The following KLHL13 variants were observed in gnomAD, a reference collection of about 807,000 sequenced individuals.
KLHL13 encodes kelch like family member 13.
A neutral mutation model predicts 37.1 loss-of-function variants in KLHL13; 10 were observed. The observed-to-expected ratio is 0.27, with a 90% CI of 0.17 to 0.46. The LOEUF is 0.46. KLHL13 is among the 20% of genes least tolerant of loss of function. The probability of loss-of-function intolerance (pLI) is 1.00; values close to 1 mark genes in which losing one functional copy is unlikely to be tolerated. For missense variants in KLHL13, 360 were observed against 509.3 expected (o/e 0.71, Z 2.82); for synonymous variants, 163 against 181.2 (o/e 0.90, Z 0.81).
chrX:117,960,275 A>T (rs948785659), intron 1 of KLHL13, among the ~76,000 whole-genome samples: 3 of 111,374 alleles, frequency 2.7e-5, no homozygotes, highest in Non-Finnish European at 5.6e-5. Flanking sequence ...TGCACCTGCC[A>T]TAATAGGAGC....
intron 1 of KLHL13, among the ~76,000 whole-genome samples, chrX:118,065,849 G>A (rs2054788841): frequency 9.0e-6 from 1 of 111,569 alleles, no homozygotes; most frequent in African/African-American, 3.3e-5. Flanking sequence ...GCTCCTCCAG[G>A]GCTGGACATC....
At position 118,039,294 on chromosome X, in the gene KLHL13, A is replaced by G. The variant is rs144231560; in HGVS notation, c.-56+77214T>C. 1.8e-3 allele frequency among the ~76,000 whole-genome samples: 197 copies of G among 112,111 alleles called. 2 individuals are homozygous for G. The highest frequency in any genetic ancestry group is 5.4e-3 in the African/African-American group (167 of 30,861). ...ACCAAGCAGGCTCCTACAGTCCCCA[A>G]TTCTAGGCCTTGACTCCTGGACGGT... On this transcript the variant is annotated intron_variant, in intron 1 of 6. Transcript: ENST00000371882.
At chrX:118,035,809 G>A (rs1370597598) in intron 1 of KLHL13, among the ~76,000 whole-genome samples, 1 of 105,463 alleles carries the variant, frequency 9.5e-6, no homozygotes, top group African/African-American at 3.8e-5. Flanking sequence ...AATTGTCCCT[G>A]TTTGCAGACG....
At chrX:118,018,551 T>G (rs921039339) in intron 1 of KLHL13, among the ~76,000 whole-genome samples, 4 of 111,912 alleles carry the variant, frequency 3.6e-5, no homozygotes, top group Non-Finnish European at 7.5e-5. Flanking sequence ...CTTTGCCAAA[T>G]TTTTAAATAT....
At chrX:118,003,986 T>C (rs1316675155) in intron 1 of KLHL13, among the ~76,000 whole-genome samples, 2 of 110,743 alleles carry the variant, frequency 1.8e-5, no homozygotes, top group Non-Finnish European at 3.8e-5. Flanking sequence ...GCAAACAAAA[T>C]GAGGGTATTC....
In KLHL13 at chrX:117,965,672, G is replaced by C. The variant is rs189664995; in HGVS notation, c.98+7059C>G. ...AATCCTCAATAAAATACTGGCAAAC[G>C]GAATCCAGCAGCACATCAAAAAGCT... On this transcript the variant is annotated intron_variant, in intron 1 of 6. Transcript: ENST00000262820. 8.5e-3 allele frequency among the ~76,000 whole-genome samples: 948 copies of C among 111,108 alleles called. 16 individuals are homozygous for C. Among genetic ancestry groups the C allele is most frequent in the African/African-American group, 0.029 (872 of 30,542 alleles).
At chrX:118,021,047 C>A (rs182678693) in intron 1 of KLHL13, among the ~76,000 whole-genome samples, 30 of 99,325 alleles carry the variant, frequency 3.0e-4, no homozygotes, top group Non-Finnish European at 1.6e-4. Flanking sequence ...TGCTAGATGA[C>A]GAGTTAGTGG....
chrX:118,048,198 T>C (rs1426914528), intron 1 of KLHL13, among the ~76,000 whole-genome samples: 1 of 111,477 alleles, frequency 9.0e-6, no homozygotes, highest in Non-Finnish European at 1.9e-5. Context: ...GTAGTTAATG[T>C]TTTGTTTTAT....
chrX:117,919,731 A>G lies in KLHL13; in HGVS notation c.374-14T>C. The G allele has an allele frequency of 8.8e-7, 1 of 1,133,468 alleles. No individual in the cohort carries two copies. Among genetic ancestry groups the G allele is most frequent in the Non-Finnish European group, 1.2e-6 (1 of 831,834 alleles). The allele number at this position is 1,133,468 out of a possible 1,213,427, so 93.4% of individuals were successfully genotyped here. ...CTTTCATTCCACCTTAAATAAAAAGACATTCAATTAAATGAAGGTGGATAA... is the reference window on the plus strand; with the variant it reads ...CTTTCATTCCACCTTAAATAAAAAGGCATTCAATTAAATGAAGGTGGATAA... On this transcript the variant is annotated splice_polypyrimidine_tract_variant and intron_variant, in intron 3 of 6. Coordinates refer to ENST00000262820, the Ensembl canonical transcript of KLHL13.
rs768323960 is a variant in KLHL13 at position 118,077,359 on chromosome X, C to T, written c.-56+39149G>A. On this transcript the variant is annotated intron_variant, in intron 1 of 6. Coordinates refer to the KLHL13 transcript ENST00000371882. ...TGAATGAGGACGTTTGGGGCTGGTC[C>T]TTAAGGATGGATGAGGTTTAAATTA... Among the ~76,000 whole-genome samples, 5 of 109,852 alleles carry T rather than the reference C, an allele frequency of 4.6e-5. No homozygotes were observed. The South Asian group carries it at 1.9e-3, about 42-fold the overall frequency.
rs142323027 is a variant in KLHL13 at position 118,026,891 on chromosome X, T to C, written c.-55-81316A>G. ...AGAAAAGAGCTTTCAATGGAAAATT[T>C]TAAACAAGTAGGATCAAGATCCTGA... On this transcript the variant is annotated intron_variant, in intron 1 of 6. Transcript: ENST00000371882. Among the ~76,000 whole-genome samples, 27 of 111,822 alleles carry C rather than the reference T, an allele frequency of 2.4e-4. 1 individual carries two copies. Among genetic ancestry groups the C allele is most frequent in the African/African-American group, 8.4e-4 (26 of 30,838 alleles).
intron 2 of KLHL13, among the ~76,000 whole-genome samples, chrX:117,943,894 G>C (rs1184755555): frequency 9.1e-6 from 1 of 110,405 alleles, no homozygotes; most frequent in East Asian, 2.9e-4. Flanking sequence ...TGATCCTTTG[G>C]AGGAGAAGAG....
At chrX:118,057,990 G>T (rs2054703304) in intron 1 of KLHL13, among the ~76,000 whole-genome samples, 1 of 111,490 alleles carries the variant, frequency 9.0e-6, no homozygotes, top group South Asian at 3.8e-4. Context: ...CCAAAATGAT[G>T]AATACAAAGA....
In KLHL13 at chrX:117,899,414, A is replaced by C; in HGVS notation, c.1481-19T>G. 8.7e-7 allele frequency: 1 copy of C among 1,143,963 alleles called. No homozygotes were observed. The highest frequency in any genetic ancestry group is 1.2e-6 in the Non-Finnish European group (1 of 853,594). 94.3% of individuals were successfully genotyped at this position (1,143,963 alleles called of 1,213,427 possible). The stretch of plus-strand genomic sequence containing the variant: ...ATTCCTCCTAAAGAATGAAAACAAT[A>C]GTTTTGAAGTAAATAATTATAGAAA... On this transcript the variant is annotated intron_variant, in intron 6 of 6. Transcript: ENST00000262820.
chrX:118,097,216 G>C (rs1310422441), intron 1 of KLHL13, among the ~76,000 whole-genome samples: 1 of 111,633 alleles, frequency 9.0e-6, no homozygotes, highest in African/African-American at 3.3e-5. Context: ...AAGCTGATAA[G>C]CAACTTCAGC....
intron 1 of KLHL13, among the ~76,000 whole-genome samples, chrX:117,970,062 A>G (rs951612211): frequency 8.9e-5 from 10 of 111,901 alleles, no homozygotes; most frequent in African/African-American, 3.2e-4. Flanking sequence ...GAAGAGCTAC[A>G]GCAAAGCAGC....
intron 1 of KLHL13, among the ~76,000 whole-genome samples, chrX:118,044,402 A>G (rs942388339): frequency 2.0e-5 from 2 of 102,444 alleles, no homozygotes. Flanking sequence ...TAAGAACCAC[A>G]AAAGACCAGA....
intron 1 of KLHL13, among the ~76,000 whole-genome samples, chrX:117,990,727 G>A (rs180904647): frequency 9.0e-6 from 1 of 111,425 alleles, no homozygotes; most frequent in African/African-American, 3.3e-5. Flanking sequence ...ATATACAAAT[G>A]ACACACAAGA....
At chrX:118,038,859 C>T (rs961656332) in intron 1 of KLHL13, among the ~76,000 whole-genome samples, 6 of 111,448 alleles carry the variant, frequency 5.4e-5, no homozygotes, top group African/African-American at 2.0e-4. Flanking sequence ...CCTCCCATAA[C>T]CCCAGGCAGC....
Sources: gnomAD v4.1 joint callset for allele counts (sites outside exome capture counted in the v4.1 genomes callset) on GRCh38, gnomAD v4.1.1 for gene constraint, MANE v1.5 for transcripts, NCBI Gene and HGNC (gene_info 2026-07-23, HGNC 2026-07-21) for gene names.